Variants in PRICKLE1 observed in about 807,000 individuals in gnomAD.
PRICKLE1 encodes the protein prickle-like protein 1.
In PRICKLE1, 14 loss-of-function variants were observed where a neutral mutation model predicts 70.2. That is an observed-to-expected ratio of 0.20 (90% CI 0.13 to 0.31). The LOEUF is 0.31. Ranked by LOEUF, PRICKLE1 falls within the 10% of genes least tolerant of loss-of-function variation. The pLI, the probability that PRICKLE1 is intolerant of heterozygous loss-of-function variation, is 1.00. For synonymous variants in PRICKLE1, 357 were observed against 379.9 expected, an observed-to-expected ratio of 0.94 and a Z score of 0.70; for missense variants, 821 against 1,026.2, an observed-to-expected ratio of 0.80 and a Z score of 2.73.
chr12:42,496,734 A>T (rs1329337064), intron 1 of PRICKLE1, among the ~76,000 whole-genome samples: 1 of 152,122 alleles, frequency 6.6e-6, no homozygotes, highest in Non-Finnish European at 1.5e-5. Context: ...AAACCTCATG[A>T]AGCAACCTCT....
chr12:42,457,545 A>AAAT lies in PRICKLE1; in HGVS notation c.*2261_*2263dup, dbSNP rs1442331067. On this transcript the variant is annotated 3_prime_UTR_variant, in exon 8 of 8. Coordinates refer to ENST00000345127, the MANE Select transcript of PRICKLE1 (RefSeq NM_153026.3). Reference sequence around the variant, plus strand: ...AATCAGGAGAATTTCTTTTGGAGGAAAATTGGCAATATCCATCAGTCTTAA... The same window carrying AAAT: ...AATCAGGAGAATTTCTTTTGGAGGAAAATAATTGGCAATATCCATCAGTCTTAA... The AAAT allele has an allele frequency of 6.6e-6, 1 of 152,150 alleles. No individual in the cohort carries two copies. Among genetic ancestry groups the AAAT allele is most frequent in the East Asian group, 1.9e-4 (1 of 5,140 alleles). 9.4% of individuals were successfully genotyped at this position (152,150 alleles called of 1,614,324 possible).
intron 1 of PRICKLE1, among the ~76,000 whole-genome samples, chr12:42,514,887 C>CTCTATCTA (rs150030888): frequency 0.049 from 6,908 of 139,698 alleles, 179 homozygotes; most frequent in East Asian, 0.056. Context: ...TTAAGGCTCG[C>CTCTATCTA]TCTATCTATC....
rs557131926 is a variant in PRICKLE1, at chr12:42,544,710, T to C, written c.-49+44755A>G. Among the ~76,000 whole-genome samples, 21 of 152,358 alleles carry C rather than the reference T, an allele frequency of 1.4e-4. 1 individual carries two copies. The highest frequency in any genetic ancestry group is 3.3e-4 in the Admixed American group (5 of 15,300). ...TTTTTTATCTTATCAAAGTAATATA[T>C]AAGTACTTGTTTTTAAGAGCAAAAT... On this transcript the variant is annotated intron_variant, in intron 1 of 7. Coordinates refer to ENST00000345127, the MANE Select transcript of PRICKLE1 (RefSeq NM_153026.3).
At chr12:42,552,896 GC>G (rs1484413938) in intron 1 of PRICKLE1, among the ~76,000 whole-genome samples, 3 of 152,156 alleles carry the variant, frequency 2.0e-5, no homozygotes, top group African/African-American at 7.2e-5. Flanking sequence ...TAAGAAGCGC[GC>G]AATCTAGGGA....
chr12:42,558,615 G>A (rs865813842), intron 1 of PRICKLE1, among the ~76,000 whole-genome samples: 8 of 152,168 alleles, frequency 5.3e-5, no homozygotes, highest in Non-Finnish European at 7.3e-5. Context: ...AGTGAACACC[G>A]GACCACAAGC....
At chr12:42,523,568 G>A (rs1025823616) in intron 1 of PRICKLE1, among the ~76,000 whole-genome samples, 4 of 152,174 alleles carry the variant, frequency 2.6e-5, no homozygotes, top group African/African-American at 9.7e-5. Flanking sequence ...TAGCAGCAAT[G>A]AATTTTCACA....
In PRICKLE1 at chr12:42,581,338, TA is replaced by T. The variant is rs112100551; in HGVS notation, c.-49+8126del. 3.6e-4 allele frequency among the ~76,000 whole-genome samples: 55 copies of T among 151,418 alleles called. No individual in the cohort carries two copies. In the Middle Eastern group the frequency reaches 0.01, roughly 28 times the overall value. The stretch of plus-strand genomic sequence containing the variant: ...TTTGGTTTTTAATCCAAAAAACTGT[TA>T]AAAAAAAACTGGCTTTTTCTGTACT... On this transcript the variant is annotated intron_variant, in intron 1 of 7. Coordinates refer to ENST00000345127, the MANE Select transcript of PRICKLE1 (RefSeq NM_153026.3).
Position 42,589,375 on chromosome 12 carries a change from G to C in PRICKLE1, c.-49+90C>G, listed in dbSNP as rs1240622541. ...ACAGACTCCGGCGGTGCCAGCGAAG[G>C]TGCCCGGCCCTACCCCTGCGGCGCT... On this transcript the variant is annotated intron_variant, in intron 1 of 7. Coordinates refer to ENST00000345127, the MANE Select transcript of PRICKLE1 (RefSeq NM_153026.3). This position sits in a 1 kb window ranked among gnomAD's most constrained non-coding sequence, Gnocchi z 5.0. The C allele has an allele frequency of 6.6e-6, 1 of 152,336 alleles. No individual in the cohort carries two copies. 9.4% of individuals were successfully genotyped at this position (152,336 alleles called of 1,614,324 possible).
chr12:42,474,383 C>G (rs1052484864), intron 1 of PRICKLE1, among the ~76,000 whole-genome samples: 1 of 152,170 alleles, frequency 6.6e-6, no homozygotes, highest in Non-Finnish European at 1.5e-5. Flanking sequence ...AGGGCAAGCA[C>G]CTCATAGCTA....
At position 42,554,260 on chromosome 12, in the gene PRICKLE1, G is replaced by C. The variant is rs567107383; in HGVS notation, c.-49+35205C>G. On this transcript the variant is annotated intron_variant, in intron 1 of 7. Coordinates refer to ENST00000345127, the MANE Select transcript of PRICKLE1 (RefSeq NM_153026.3). ...TGTTGTGAAGATTAAAAGAAAGAAC[G>C]CATGTAAGTCTTGATATGTTATGTG... Among the ~76,000 whole-genome samples the C allele has an allele frequency of 2.6e-5, 4 of 152,088 alleles. 1 individual carries two copies. Among genetic ancestry groups the C allele is most frequent in the Admixed American group, 2.0e-4 (3 of 15,270 alleles).
intron 1 of PRICKLE1, among the ~76,000 whole-genome samples, chr12:42,564,329 G>A (rs548290839): frequency 5.9e-5 from 9 of 151,476 alleles, no homozygotes; most frequent in Non-Finnish European, 8.8e-5. Flanking sequence ...TTTCTTGGCC[G>A]GGCGTGGTGG....
At position 42,460,018 on chromosome 12, in the gene PRICKLE1, A is replaced by T. The variant is rs1593099528; in HGVS notation, c.2287T>A (p.Cys763Ser). 1.2e-6 allele frequency: 2 copies of T among 1,614,050 alleles called. No individual in the cohort carries two copies. The highest frequency in any genetic ancestry group is 1.7e-6 in the Non-Finnish European group (2 of 1,180,016). Residue 763 changes from cysteine (C) to serine (S), a missense_variant, in exon 8 of 8, where the codon TGT (cysteine) becomes AGT (serine). Cys to Ser is a moderately radical substitution (Grantham distance 112, BLOSUM62 -1). Coordinates refer to ENST00000345127, the MANE Select transcript of PRICKLE1 (RefSeq NM_153026.3). ...TCGGAAGAGGAGGAGGAGGAAGAACACCAGGAATCATCATCCTCGCCGTAG... is the reference window on the plus strand; with the variant it reads ...TCGGAAGAGGAGGAGGAGGAAGAACTCCAGGAATCATCATCCTCGCCGTAG... ...GLYGEDDDSW[C>S]SSSSSSSDSE...
rs75937975 is a variant in PRICKLE1 at position 42,475,743 on chromosome 12, T to C, written c.-48-3179A>G. On this transcript the variant is annotated intron_variant, in intron 1 of 7. Coordinates refer to ENST00000345127, the MANE Select transcript of PRICKLE1 (RefSeq NM_153026.3). ...CTTTTTCCTTTATATCAGAGAATAC[T>C]TAAAATGACAAAACCATTCACTCGC... 7.5e-3 allele frequency among the ~76,000 whole-genome samples: 1,137 copies of C among 152,222 alleles called. 39 individuals are homozygous for C. The East Asian group carries it at 0.11, about 14-fold the overall frequency.
At chr12:42,470,079 T>G in intron 3 of PRICKLE1, 167 bp downstream of exon 3, 1 of 623,714 alleles carries the variant, frequency 1.6e-6, no homozygotes, top group Non-Finnish European at 2.8e-6. Context: ...CTCTTTTCTC[T>G]CTTTCTCTCA....
intron 1 of PRICKLE1, among the ~76,000 whole-genome samples, chr12:42,495,069 A>T (rs1281570428): frequency 6.6e-6 from 1 of 151,414 alleles, no homozygotes; most frequent in Admixed American, 6.6e-5. Flanking sequence ...AATTAAAAAA[A>T]ATTTTTTAAG....
intron 1 of PRICKLE1, among the ~76,000 whole-genome samples, chr12:42,566,812 G>A (rs957659112): frequency 5.3e-5 from 8 of 152,114 alleles, no homozygotes; most frequent in Non-Finnish European, 1.2e-4. Flanking sequence ...ATCAGGGTCT[G>A]GTGTCCTAAA....
rs542974162 is a variant in PRICKLE1 at position 42,509,021 on chromosome 12, C to T, written c.-48-36457G>A. On this transcript the variant is annotated intron_variant, in intron 1 of 7. Transcript: ENST00000345127. Reference sequence around the variant, plus strand: ...CCAAAAGCTATTTTAGAACCTGTTGCTCCACCCCAGAGTGATGAAGTAGAA... The same window carrying T: ...CCAAAAGCTATTTTAGAACCTGTTGTTCCACCCCAGAGTGATGAAGTAGAA... Among the ~76,000 whole-genome samples the T allele has an allele frequency of 1.1e-3, 160 of 152,322 alleles. 1 individual carries two copies. Among genetic ancestry groups the T allele is most frequent in the African/African-American group, 3.8e-3 (157 of 41,570 alleles).
In PRICKLE1 at chr12:42,460,425, C is replaced by G; in HGVS notation, c.1880G>C (p.Arg627Thr). 3.1e-6 allele frequency: 5 copies of G among 1,614,154 alleles called. No homozygotes were observed. The highest frequency in any genetic ancestry group is 4.2e-6 in the Non-Finnish European group (5 of 1,180,040). ...ATCAGAAAACTTGACCTGCTGGGGT[C>G]TGGATTGAGACTTGGACCTTCTGAG... ...PVLRRSKSQS[R>T]PQQVKFSDDV... The change falls in exon 8 of 8, where the codon AGA becomes ACA. Residue 627 changes from arginine to threonine, a missense_variant. Transcript: ENST00000345127.
intron 1 of PRICKLE1, among the ~76,000 whole-genome samples, chr12:42,561,862 A>G (rs1940518682): frequency 6.6e-6 from 1 of 152,036 alleles, no homozygotes. Context: ...CTCCAAAGAA[A>G]ATAAGCGAAA....
Sources: gnomAD v4.1 joint callset for allele counts (sites outside exome capture counted in the v4.1 genomes callset) on GRCh38, gnomAD v4.1.1 for gene constraint, Gnocchi (gnomAD v3.1) non-coding constraint, MANE v1.5 for transcripts, NCBI Gene and HGNC (gene_info 2026-07-23, HGNC 2026-07-21) for gene names.